Variants in DOK6 observed in about 807,000 individuals in gnomAD.
The protein encoded by DOK6 is downstream of tyrosine kinase 6.
In DOK6, 22 loss-of-function variants were observed where a neutral mutation model predicts 44.0. The observed-to-expected ratio is 0.50, with a 90% CI of 0.36 to 0.71. DOK6 has a LOEUF of 0.71. DOK6 is among the 30% of genes least tolerant of loss of function. The pLI, the probability that DOK6 is intolerant of heterozygous loss-of-function variation, is 0.00. For missense variants in DOK6, 340 were observed against 416.4 expected, an observed-to-expected ratio of 0.82 and a Z score of 1.60; for synonymous variants, 166 against 145.5, an observed-to-expected ratio of 1.14 and a Z score of -1.01.
chr18:69,661,614 G>T (rs1985529829), intron 3 of DOK6: 1 of 152,088 alleles, frequency 6.6e-6, no homozygotes, highest in Non-Finnish European at 1.5e-5. Flanking sequence ...GTAATTGTCG[G>T]GATAGCAGCT....
intron 3 of DOK6, 67 bp from the exon 4 acceptor site, chr18:69,677,667 G>A: frequency 3.1e-6 from 5 of 1,605,406 alleles, no homozygotes; most frequent in Non-Finnish European, 4.3e-6. Context: ...AAACAGTTAA[G>A]GAAATATTCT....
intron 4 of DOK6, among the ~76,000 whole-genome samples, chr18:69,696,767 T>C (rs950462847): frequency 2.6e-5 from 4 of 152,150 alleles, no homozygotes; most frequent in Admixed American, 6.6e-5. Context: ...ACTAATCCCA[T>C]TGGAGTGTGA....
At chr18:69,495,969 G>A (rs142204961) in intron 1 of DOK6, among the ~76,000 whole-genome samples, 2 of 152,212 alleles carry the variant, frequency 1.3e-5, no homozygotes, top group Admixed American at 6.5e-5. Flanking sequence ...AATGGAGAGA[G>A]GGAAGGCAGC....
chr18:69,723,348 C>T (rs1435408700), intron 5 of DOK6, among the ~76,000 whole-genome samples: 5 of 152,076 alleles, frequency 3.3e-5, no homozygotes, highest in African/African-American at 1.2e-4. Flanking sequence ...TTTTTTGTTC[C>T]CTTCTCCATT....
intron 4 of DOK6, among the ~76,000 whole-genome samples, chr18:69,692,870 TTTTA>T (rs1221845563): frequency 6.6e-5 from 10 of 152,240 alleles, no homozygotes; most frequent in African/African-American, 2.2e-4. Flanking sequence ...TAAGTATTAA[TTTTA>T]TTTATGTTAA....
At chr18:69,407,261 A>G (rs1480841738) in intron 1 of DOK6, among the ~76,000 whole-genome samples, 2 of 152,222 alleles carry the variant, frequency 1.3e-5, no homozygotes, top group Admixed American at 1.3e-4. Context: ...GAAACTGTAG[A>G]AGATAAAAGG....
chr18:69,683,776 A>G (rs1352710635), intron 4 of DOK6, among the ~76,000 whole-genome samples: 1 of 152,254 alleles, frequency 6.6e-6, no homozygotes, highest in African/African-American at 2.4e-5. Context: ...TTGTTATGAT[A>G]GCCCTAGGAA....
intron 1 of DOK6, among the ~76,000 whole-genome samples, chr18:69,517,528 G>A (rs1886448010): frequency 6.6e-6 from 1 of 152,022 alleles, no homozygotes; most frequent in Admixed American, 6.6e-5. Flanking sequence ...TCCTCTAGAT[G>A]AATCATTTCT....
intron 3 of DOK6, among the ~76,000 whole-genome samples, chr18:69,668,213 T>C (rs1001826417): frequency 6.6e-6 from 1 of 152,160 alleles, no homozygotes; most frequent in Non-Finnish European, 1.5e-5. Flanking sequence ...ATATTGATCC[T>C]AGTTACCATT....
At chr18:69,804,356 A>C (rs1980991620) in intron 7 of DOK6, among the ~76,000 whole-genome samples, 1 of 152,214 alleles carries the variant, frequency 6.6e-6, no homozygotes, top group Non-Finnish European at 1.5e-5. Context: ...GTTGAGGTTT[A>C]GAAAATCTCC....
intron 2 of DOK6, among the ~76,000 whole-genome samples, chr18:69,581,941 T>G (rs998403976): frequency 2.0e-5 from 3 of 152,198 alleles, no homozygotes; most frequent in Admixed American, 1.3e-4. Flanking sequence ...AAGAAAAGGA[T>G]AGCCAGATGG....
chr18:69,643,066 G>T (rs920364870), intron 3 of DOK6, among the ~76,000 whole-genome samples: 1 of 152,032 alleles, frequency 6.6e-6, no homozygotes. Context: ...TATCATTATG[G>T]CCCTATGGAT....
chr18:69,781,929 A>G (rs539753763), intron 7 of DOK6, among the ~76,000 whole-genome samples: 1 of 152,296 alleles, frequency 6.6e-6, no homozygotes, highest in Non-Finnish European at 1.5e-5. Flanking sequence ...GATTTCATTA[A>G]AGAAAAATAA....
At chr18:69,417,927 T>C (rs561641433) in intron 1 of DOK6, among the ~76,000 whole-genome samples, 5 of 152,310 alleles carry the variant, frequency 3.3e-5, no homozygotes, top group Non-Finnish European at 7.4e-5. Flanking sequence ...TATTGAGTTG[T>C]TTGGGTTATT....
chr18:69,503,652 C>T (rs574986010), intron 1 of DOK6, among the ~76,000 whole-genome samples: 1 of 151,916 alleles, frequency 6.6e-6, no homozygotes, highest in Non-Finnish European at 1.5e-5. Context: ...CATATATTAT[C>T]TTTAAAAATA....
intron 3 of DOK6, among the ~76,000 whole-genome samples, chr18:69,677,092 A>T (rs1379475884): frequency 6.6e-6 from 1 of 152,156 alleles, no homozygotes; most frequent in Admixed American, 6.5e-5. Context: ...TGTATTGTTT[A>T]CAAAGAAAAA....
intron 4 of DOK6, among the ~76,000 whole-genome samples, chr18:69,688,706 G>C (rs148735969): frequency 0.017 from 2,636 of 152,264 alleles, 73 homozygotes; most frequent in East Asian, 0.11. Context: ...ATTTTTAGTA[G>C]AGATGGGGTT....
At chr18:69,653,320 A>AATG (rs1555720375) in intron 3 of DOK6, among the ~76,000 whole-genome samples, 5 of 150,892 alleles carry the variant, frequency 3.3e-5, no homozygotes, top group African/African-American at 1.2e-4. Context: ...AAAAAAAAAA[A>AATG]AAGAAGAAGA....
At position 69,597,033 on chromosome 18, in the gene DOK6, T is replaced by C. The variant is rs1405456583; in HGVS notation, c.175-2351T>C. On this transcript the variant is annotated intron_variant, in intron 2 of 7. Coordinates refer to ENST00000382713, the MANE Select transcript of DOK6 (RefSeq NM_152721.6). Reference sequence around the variant, plus strand: ...AAAAGCAATAAATATACACTTGATCTCCTCTCAGCTTCTTTAAAAGATATA... The same window carrying C: ...AAAAGCAATAAATATACACTTGATCCCCTCTCAGCTTCTTTAAAAGATATA... Among the ~76,000 whole-genome samples the C allele has an allele frequency of 3.3e-5, 5 of 152,038 alleles. No individual in the cohort carries two copies. In the East Asian group the frequency reaches 9.6e-4, roughly 29 times the overall value.
Sources: gnomAD v4.1 joint callset for allele counts (sites outside exome capture counted in the v4.1 genomes callset) on GRCh38, gnomAD v4.1.1 for gene constraint, MANE v1.5 for transcripts, NCBI Gene and HGNC (gene_info 2026-07-23, HGNC 2026-07-21) for gene names.